Variants in CATSPERD observed in about 807,000 individuals in gnomAD.
The protein encoded by CATSPERD is catsper channel auxiliary subunit delta.
CATSPERD carries 86 observed loss-of-function variants against 98.1 expected under a neutral mutation model. The observed-to-expected ratio is 0.88, with a 90% CI of 0.74 to 1.05. The LOEUF is 1.05. Among genes scored for constraint, CATSPERD ranks in the 50% least tolerant of loss-of-function variants. The pLI, the probability that CATSPERD is intolerant of heterozygous loss-of-function variation, is 0.00. For missense variants in CATSPERD, 995 were observed against 1,005.7 expected (o/e 0.99, Z 0.14); for synonymous variants, 394 against 390.2 (o/e 1.01, Z -0.12).
At chr19:5,737,234 T>C in intron 6 of CATSPERD, 29 bp downstream of exon 6, 2 of 1,485,962 alleles carry the variant, frequency 1.3e-6, no homozygotes, top group Non-Finnish European at 9.4e-7. Context: ...TTGTTCATTT[T>C]TTTTTGCTCT....
intron 13 of CATSPERD, among the ~76,000 whole-genome samples, chr19:5,757,215 A>G (rs1480328904): frequency 6.6e-6 from 1 of 152,052 alleles, no homozygotes. Flanking sequence ...GCAGGACTGC[A>G]CTCCAGCCTG....
intron 11 of CATSPERD, among the ~76,000 whole-genome samples, chr19:5,750,858 CCTTCCTTTCTCTTTCTCT>C: frequency 6.6e-6 from 1 of 151,904 alleles, no homozygotes. Context: ...TTCCTTTCTT[CCTTCCTTTCTCTTTCTCT>C]CTTCCTTTCT....
intron 7 of CATSPERD, among the ~76,000 whole-genome samples, chr19:5,742,271 T>C (rs2055999249): frequency 1.4e-5 from 2 of 145,450 alleles, no homozygotes; most frequent in African/African-American, 2.6e-5. Context: ...TGCGTGTGCA[T>C]GTGTGTACGT....
intron 20 of CATSPERD, among the ~76,000 whole-genome samples, chr19:5,774,642 C>G (rs2056708723): frequency 6.6e-6 from 1 of 152,048 alleles, no homozygotes; most frequent in South Asian, 2.1e-4. Flanking sequence ...TGAGCCGAAA[C>G]TGCACCACTG....
In CATSPERD at chr19:5,742,187, CGT is replaced by C. The variant is rs1359462250; in HGVS notation, c.574-2234_574-2233del. On this transcript the variant is annotated intron_variant, in intron 7 of 21. Transcript: ENST00000381624. ...GTGTGCGTGTGTGTATGTATGTGAA[CGT>C]GTGTGCGTGTACATGTGTGCATGTG... is the stretch of plus-strand genomic sequence containing the variant. Among the ~76,000 whole-genome samples, 9 of 140,634 alleles carry C rather than the reference CGT, an allele frequency of 6.4e-5. No homozygotes were observed. In the South Asian group the frequency reaches 6.8e-4, roughly 11 times the overall value. 92.3% of individuals were successfully genotyped at this position (140,634 alleles called of 152,430 possible). A position where few individuals can be genotyped will look rare whatever the true frequency, so the allele number is the denominator to read the frequency against.
At chr19:5,737,975 T>C (rs1456332279) in intron 6 of CATSPERD, among the ~76,000 whole-genome samples, 1 of 152,008 alleles carries the variant, frequency 6.6e-6, no homozygotes, top group Non-Finnish European at 1.5e-5. Context: ...GGAAAAGGTT[T>C]TGGGGACGTT....
intron 20 of CATSPERD, among the ~76,000 whole-genome samples, chr19:5,775,819 C>T (rs558974607): frequency 6.6e-6 from 1 of 152,266 alleles, no homozygotes; most frequent in Admixed American, 6.5e-5. Flanking sequence ...CTCAGCATTC[C>T]TTCTGGGCGG....
At position 5,771,027 on chromosome 19, in the gene CATSPERD, C is replaced by T. The variant is rs752094438; in HGVS notation, c.1718C>T (p.Pro573Leu). The T allele has an allele frequency of 6.2e-7, 1 of 1,614,096 alleles. No homozygotes were observed. Among genetic ancestry groups the T allele is most frequent in the Non-Finnish European group, 8.5e-7 (1 of 1,179,986 alleles). Residue 573 changes from proline (P) to leucine (L), a missense_variant, in exon 19 of 22, where the codon CCT becomes CTT. Physicochemically the swap from Pro to Leu is moderately conservative, Grantham distance 98. Around this residue, in one of 3 missense-constraint regions of CATSPERD, gnomAD observed 762 missense variants for 773.7 expected, o/e 0.98. Coordinates refer to ENST00000381624, the MANE Select transcript of CATSPERD (RefSeq NM_152784.4). ...VFYSYQQLGC[P>L]LLVYYDTLWK... is the part of the protein sequence containing the mutation. ...TACTCCTACCAGCAGCTGGGCTGTC[C>T]TCTCCTCGTCTACTATGACACCCTA...
intron 2 of CATSPERD, among the ~76,000 whole-genome samples, chr19:5,726,060 ATT>A (rs796326447): frequency 3.5e-5 from 5 of 143,164 alleles, no homozygotes; most frequent in Admixed American, 7.1e-5. Flanking sequence ...TACCCTGTTA[ATT>A]TTTTTTTTTT....
chr19:5,738,251 CA>C (rs1264160980), intron 6 of CATSPERD, among the ~76,000 whole-genome samples: 1 of 146,158 alleles, frequency 6.8e-6, no homozygotes, highest in East Asian at 2.1e-4. Flanking sequence ...ACTAAAAATA[CA>C]AAAAATTAGC....
At position 5,759,566 on chromosome 19, in the gene CATSPERD, CAAAAAAA is replaced by C. The variant is rs35459854; in HGVS notation, c.1427+435_1427+441del. 1.4e-3 allele frequency among the ~76,000 whole-genome samples: 115 copies of C among 84,020 alleles called. 3 individuals are homozygous for C. In the South Asian group the frequency reaches 0.028, roughly 21 times the overall value. 55.1% of individuals were successfully genotyped at this position (84,020 alleles called of 152,430 possible). A position where few individuals can be genotyped will look rare whatever the true frequency, so the allele number is the denominator to read the frequency against. On this transcript the variant is annotated intron_variant, in intron 15 of 21. Coordinates refer to ENST00000381624, the MANE Select transcript of CATSPERD (RefSeq NM_152784.4). The stretch of plus-strand genomic sequence containing the variant: ...GGCGACAAACATGAAACTCCAGCTC[CAAAAAAA>C]AAAAAAAAAAAAGCAAAAATAAGCC...
chr19:5,747,300 A>C (rs916619160), intron 9 of CATSPERD, among the ~76,000 whole-genome samples: 4 of 147,464 alleles, frequency 2.7e-5, no homozygotes, highest in African/African-American at 1.0e-4. Context: ...TCAGCCTCCC[A>C]GTAACTGGGA....
chr19:5,756,268 G>A (rs1350849585), intron 13 of CATSPERD, among the ~76,000 whole-genome samples: 3 of 147,028 alleles, frequency 2.0e-5, no homozygotes, highest in Non-Finnish European at 4.5e-5. Context: ...GTGACAGAGT[G>A]AGACTCCCTC....
chr19:5,768,620 G>T (rs1210489430), intron 18 of CATSPERD, among the ~76,000 whole-genome samples: 1 of 151,632 alleles, frequency 6.6e-6, no homozygotes, highest in Non-Finnish European at 1.5e-5. Flanking sequence ...ACAGGCATGA[G>T]CCACCGCGCC....
intron 13 of CATSPERD, among the ~76,000 whole-genome samples, chr19:5,756,152 A>G (rs2056320489): frequency 5.9e-5 from 9 of 151,904 alleles, no homozygotes; most frequent in Admixed American, 5.3e-4. Flanking sequence ...GTGGTGGCAC[A>G]TGCCTGTAAT....
chr19:5,731,568 T>TTTG (rs1318485525), intron 4 of CATSPERD, among the ~76,000 whole-genome samples: 1 of 113,710 alleles, frequency 8.8e-6, no homozygotes, highest in African/African-American at 3.6e-5. Context: ...CAGTTTTTTT[T>TTTG]TTTTTTTTTT....
chr19:5,771,126 C>T (rs906419866), intron 19 of CATSPERD, 54 bp downstream of exon 19: 2 of 1,571,080 alleles, frequency 1.3e-6, no homozygotes, highest in Non-Finnish European at 1.7e-6. Flanking sequence ...GCCTCATGCT[C>T]CCTGGCCCTG....
chr19:5,753,753 GTCC>G (rs1385615526), intron 12 of CATSPERD: 1 of 253,082 alleles, frequency 4.0e-6, no homozygotes, highest in Non-Finnish European at 8.0e-6. Context: ...CACGCCTGTA[GTCC>G]TGGCTACTTG....
At chr19:5,757,588 C>A (rs944877332) in intron 13 of CATSPERD, among the ~76,000 whole-genome samples, 2 of 146,676 alleles carry the variant, frequency 1.4e-5, no homozygotes, top group African/African-American at 2.5e-5. Flanking sequence ...TGAGCCACCG[C>A]GCCTGGCCAA....
Sources: gnomAD v4.1 joint callset for allele counts (sites outside exome capture counted in the v4.1 genomes callset) on GRCh38, gnomAD v4.1.1 for gene constraint, gnomAD v4.1.1 regional missense constraint, MANE v1.5 for transcripts, NCBI Gene and HGNC (gene_info 2026-07-23, HGNC 2026-07-21) for gene names.